The following ERN1 variants were observed in gnomAD, a reference collection of about 807,000 sequenced individuals.
ERN1 encodes the protein serine/threonine-protein kinase/endoribonuclease IRE1.
A neutral mutation model predicts 113.1 loss-of-function variants in ERN1; 39 were observed. The observed-to-expected ratio is 0.34, with a 90% CI of 0.27 to 0.45. The LOEUF (loss-of-function observed/expected upper bound fraction) is 0.45, where lower values mean the gene tolerates loss of function less well. Among genes scored for constraint, ERN1 ranks in the 20% least tolerant of loss-of-function variants. The pLI is 1.00. For synonymous variants in ERN1, 507 were observed against 515.9 expected (o/e 0.98, Z 0.23); for missense variants, 976 against 1,274.8 (o/e 0.77, Z 3.57).
In ERN1 at chr17:64,071,294, G is replaced by C. The variant is rs376561485; in HGVS notation, c.478+687C>G. Among the ~76,000 whole-genome samples, 8 of 152,324 alleles carry C rather than the reference G, an allele frequency of 5.3e-5. 1 individual carries two copies. The East Asian group carries it at 1.5e-3, about 29-fold the overall frequency. ...AGGTGACTTTTGAGTACAGTTGTGA[G>C]AGAGGATATTTGCCAGATAGGCAAA... On this transcript the variant is annotated intron_variant, in intron 6 of 21. Coordinates refer to ENST00000433197, the MANE Select transcript of ERN1 (RefSeq NM_001433.5).
At chr17:64,061,084 G>A (rs760994931) in intron 10 of ERN1, among the ~76,000 whole-genome samples, 37 of 152,162 alleles carry the variant, frequency 2.4e-4, no homozygotes, top group Middle Eastern at 3.2e-3. Flanking sequence ...CATTACTTGC[G>A]AGAAAGCAGT....
At position 64,047,068 on chromosome 17, in the gene ERN1, T is replaced by C. The variant is rs542501530; in HGVS notation, c.2529+790A>G. On this transcript the variant is annotated intron_variant, in intron 19 of 21. Transcript: ENST00000433197. ...CAATATAAGAAAGCACTGAAATTTA[T>C]GACACTTGGGCTGGGCCTGGTGGCT... Among the ~76,000 whole-genome samples the C allele has an allele frequency of 1.2e-4, 18 of 152,326 alleles. No homozygotes were observed. The East Asian group carries it at 3.5e-3, about 29-fold the overall frequency.
At chr17:64,108,357 A>G (rs1425651565) in intron 1 of ERN1, among the ~76,000 whole-genome samples, 1 of 152,170 alleles carries the variant, frequency 6.6e-6, no homozygotes, top group African/African-American at 2.4e-5. Context: ...GTTTATGTTC[A>G]TGGTTGCTCT....
chr17:64,091,424 G>C (rs577474687), intron 2 of ERN1, among the ~76,000 whole-genome samples: 1 of 152,308 alleles, frequency 6.6e-6, no homozygotes, highest in Admixed American at 6.5e-5. Flanking sequence ...CAAGTGCCTT[G>C]GACATTTACT....
chr17:64,105,705 C>T (rs1417544529), intron 1 of ERN1, among the ~76,000 whole-genome samples: 1 of 152,126 alleles, frequency 6.6e-6, no homozygotes, highest in South Asian at 2.1e-4. Context: ...GTGGCTCACG[C>T]CTGTAATCCC....
At chr17:64,048,573 A>C (rs978417466) in intron 18 of ERN1, among the ~76,000 whole-genome samples, 4 of 152,206 alleles carry the variant, frequency 2.6e-5, no homozygotes, top group African/African-American at 9.7e-5. Context: ...ATTACCACCC[A>C]GGAAAACCTG....
At chr17:64,129,286 G>C (rs1341440374) in intron 1 of ERN1, 1 of 152,202 alleles carries the variant, frequency 6.6e-6, no homozygotes, top group Non-Finnish European at 1.5e-5. Context: ...TTGAGGTTCT[G>C]AAGCGGCCTC....
chr17:64,128,018 T>C lies in ERN1; in HGVS notation c.54+1958A>G, dbSNP rs565039622. On this transcript the variant is annotated intron_variant, in intron 1 of 21. Transcript: ENST00000433197. The stretch of plus-strand genomic sequence containing the variant: ...AAATTCTGACCTTTCTTTTTTTTTT[T>C]TGAGACAGAGTCTTGCTCTGTCACC... Among the ~76,000 whole-genome samples the C allele has an allele frequency of 2.6e-4, 40 of 152,124 alleles. 1 individual carries two copies. In the South Asian group the frequency reaches 7.5e-3, roughly 28 times the overall value.
At chr17:64,091,460 A>C (rs1303682257) in intron 2 of ERN1, among the ~76,000 whole-genome samples, 2 of 152,258 alleles carry the variant, frequency 1.3e-5, no homozygotes, top group East Asian at 3.8e-4. Flanking sequence ...CCAGAGCCCC[A>C]GTAAGGAGGT....
Position 64,054,716 on chromosome 17 carries a change from G to A in ERN1, c.1763+22C>T, listed in dbSNP as rs1430641639. On this transcript the variant is annotated intron_variant, in intron 14 of 21. Transcript: ENST00000433197. This position sits in a 1 kb window ranked among gnomAD's most constrained non-coding sequence, Gnocchi z 4.9. ...ACTTAGACACCAGGCGGTGAGGGCA[G>A]GGGGCTGGCTAATCCACTCACCGGT... The A allele has an allele frequency of 6.4e-7, 1 of 1,573,552 alleles. No individual in the cohort carries two copies.
chr17:64,113,273 A>G (rs985649949), intron 1 of ERN1, among the ~76,000 whole-genome samples: 2 of 152,230 alleles, frequency 1.3e-5, no homozygotes, highest in Non-Finnish European at 2.9e-5. Flanking sequence ...TAACCACTGC[A>G]TATTGCCATT....
At chr17:64,128,641 A>T (rs1183728728) in intron 1 of ERN1, 1 of 152,214 alleles carries the variant, frequency 6.6e-6, no homozygotes, top group Non-Finnish European at 1.5e-5. Flanking sequence ...GTTTGTGAAC[A>T]GATGCCAGGC....
chr17:64,079,642 A>C lies in ERN1; in HGVS notation c.282+20T>G. ...TGGTCTAGAACCCCTGGAGTACAAAAAGCAGCTAAATATACTCACCGTCAG... is the reference window on the plus strand; with the variant it reads ...TGGTCTAGAACCCCTGGAGTACAAACAGCAGCTAAATATACTCACCGTCAG... On this transcript the variant is annotated intron_variant, in intron 4 of 21. Transcript: ENST00000433197. 6.2e-7 allele frequency: 1 copy of C among 1,604,498 alleles called. No homozygotes were observed. The highest frequency in any genetic ancestry group is 8.5e-7 in the Non-Finnish European group (1 of 1,171,320).
intron 5 of ERN1, among the ~76,000 whole-genome samples, chr17:64,073,334 A>ATTTTTTTTTTT (rs775654259): frequency 7.4e-6 from 1 of 134,382 alleles, no homozygotes; most frequent in African/African-American, 2.7e-5. Flanking sequence ...ACACCCAGCA[A>ATTTTTTTTTTT]ATTTTTTTTT....
Position 64,043,921 on chromosome 17 carries a change from G to T in ERN1, c.*67C>A. On this transcript the variant is annotated 3_prime_UTR_variant, in exon 22 of 22. Coordinates refer to ENST00000433197, the MANE Select transcript of ERN1 (RefSeq NM_001433.5). ...TCCCTGCAAAGCCGGGAGGCATCAAGCTCTAATTGTGGTGACCAGGCCCTC... is the reference window on the plus strand; with the variant it reads ...TCCCTGCAAAGCCGGGAGGCATCAATCTCTAATTGTGGTGACCAGGCCCTC... 8.9e-7 allele frequency: 1 copy of T among 1,126,374 alleles called. No individual in the cohort carries two copies. The highest frequency in any genetic ancestry group is 1.3e-6 in the Non-Finnish European group (1 of 772,778). 69.8% of individuals were successfully genotyped at this position (1,126,374 alleles called of 1,614,324 possible). A position where few individuals can be genotyped will look rare whatever the true frequency, so the allele number is the denominator to read the frequency against.
intron 1 of ERN1, among the ~76,000 whole-genome samples, chr17:64,105,913 C>CCGTT (rs1914513960): frequency 6.8e-6 from 1 of 147,040 alleles, no homozygotes. Flanking sequence ...CGAGATGGTG[C>CCGTT]CGTTGCACTC....
intron 2 of ERN1, among the ~76,000 whole-genome samples, chr17:64,095,368 T>A (rs1042477244): frequency 3.3e-5 from 5 of 152,072 alleles, no homozygotes; most frequent in African/African-American, 1.2e-4. Flanking sequence ...GGCAAAGGTT[T>A]CAGTGAGCCA....
At chr17:64,083,335 T>C (rs1050997880) in intron 2 of ERN1, among the ~76,000 whole-genome samples, 2 of 151,240 alleles carry the variant, frequency 1.3e-5, no homozygotes, top group African/African-American at 4.9e-5. Flanking sequence ...ACTAAAAGAG[T>C]AACATGAAAA....
intron 6 of ERN1, among the ~76,000 whole-genome samples, chr17:64,068,884 G>C (rs933316593): frequency 1.3e-5 from 2 of 152,206 alleles, no homozygotes; most frequent in Non-Finnish European, 2.9e-5. Context: ...CAACTAAGGA[G>C]ATTTCCAGAC....
Sources: gnomAD v4.1 joint callset for allele counts (sites outside exome capture counted in the v4.1 genomes callset) on GRCh38, gnomAD v4.1.1 for gene constraint, Gnocchi (gnomAD v3.1) non-coding constraint, MANE v1.5 for transcripts, NCBI Gene and HGNC (gene_info 2026-07-23, HGNC 2026-07-21) for gene names.